Variants in CDH13 observed in about 807,000 individuals in gnomAD.
The protein encoded by CDH13 is cadherin-13.
CDH13 carries 24 observed loss-of-function variants against 63.8 expected under a neutral mutation model. That is an observed-to-expected ratio of 0.38 (90% CI 0.27 to 0.53). CDH13 has a LOEUF of 0.53. Among genes scored for constraint, CDH13 ranks in the 20% least tolerant of loss-of-function variants. The pLI, the probability that CDH13 is intolerant of heterozygous loss-of-function variation, is 0.85. For synonymous variants in CDH13, 503 were observed against 355.3 expected, an observed-to-expected ratio of 1.42 and a Z score of -4.67; for missense variants, 1,049 against 903.1, an observed-to-expected ratio of 1.16 and a Z score of -2.07.
chr16:82,783,464 T>C (rs765947133), intron 1 of CDH13, among the ~76,000 whole-genome samples: 14 of 152,164 alleles, frequency 9.2e-5, no homozygotes, highest in Non-Finnish European at 2.1e-4. Context: ...ATTAAAGAGA[T>C]TGGGCTGCAA....
chr16:83,359,367 G>C (rs2091118194), intron 6 of CDH13, among the ~76,000 whole-genome samples: 2 of 152,270 alleles, frequency 1.3e-5, no homozygotes, highest in Admixed American at 6.5e-5. Context: ...ATCAGGCTTT[G>C]AGCACCATGA....
At chr16:82,628,916 G>A (rs1276469852) in intron 1 of CDH13, among the ~76,000 whole-genome samples, 1 of 152,200 alleles carries the variant, frequency 6.6e-6, no homozygotes, top group African/African-American at 2.4e-5. Context: ...ATAATCTGCT[G>A]CCTTCCTAGG....
At chr16:83,067,015 A>G (rs2032068367) in intron 3 of CDH13, among the ~76,000 whole-genome samples, 1 of 152,194 alleles carries the variant, frequency 6.6e-6, no homozygotes, top group Non-Finnish European at 1.5e-5. Flanking sequence ...AGTTGCCTCC[A>G]GGAGGCATCT....
At chr16:83,480,722 A>C (rs1286952754) in intron 6 of CDH13, among the ~76,000 whole-genome samples, 3 of 152,274 alleles carry the variant, frequency 2.0e-5, no homozygotes, top group Non-Finnish European at 2.9e-5. Context: ...GAATCCCCTC[A>C]GTCCTGGGAG....
rs773984631 is a variant in CDH13, at chr16:83,670,773, ATCTGC to A, written c.1102-15_1102-11del. 6.2e-7 allele frequency: 1 copy of A among 1,613,382 alleles called. No individual in the cohort carries two copies. The highest frequency in any genetic ancestry group is 8.5e-7 in the Non-Finnish European group (1 of 1,179,368). On this transcript the variant is annotated splice_polypyrimidine_tract_variant and intron_variant, in intron 8 of 13. Coordinates refer to ENST00000567109, the MANE Select transcript of CDH13 (RefSeq NM_001257.5). ...TGTTTTCAAAATAGTGACCATTACC[ATCTGC>A]TTTGTTTGCAGTTTCAAGCCACAGT...
intron 6 of CDH13, among the ~76,000 whole-genome samples, chr16:83,468,597 C>T (rs2073376770): frequency 6.6e-6 from 1 of 151,542 alleles, no homozygotes; most frequent in Admixed American, 6.6e-5. Context: ...AACCCAGCCA[C>T]ACTTGTGTGA....
intron 6 of CDH13, among the ~76,000 whole-genome samples, chr16:83,415,263 C>G (rs560446957): frequency 6.6e-6 from 1 of 152,068 alleles, no homozygotes; most frequent in Non-Finnish European, 1.5e-5. Flanking sequence ...ACCCATAACT[C>G]ATAGGGAGAT....
intron 6 of CDH13, among the ~76,000 whole-genome samples, chr16:83,363,493 G>C (rs531513009): frequency 2.6e-5 from 4 of 152,170 alleles, no homozygotes; most frequent in Non-Finnish European, 5.9e-5. Flanking sequence ...ACTAAATGAA[G>C]AAGAAACCAG....
chr16:83,015,161 G>C (rs1262290523), intron 2 of CDH13, among the ~76,000 whole-genome samples: 1 of 151,726 alleles, frequency 6.6e-6, no homozygotes, highest in Non-Finnish European at 1.5e-5. Flanking sequence ...GGCTAATCGG[G>C]GAAGTCAGGG....
Position 83,512,496 on chromosome 16 carries a change from G to T in CDH13, c.960+25841G>T, listed in dbSNP as rs573743071. 3.3e-5 allele frequency among the ~76,000 whole-genome samples: 5 copies of T among 150,354 alleles called. No individual in the cohort carries two copies. The East Asian group carries it at 7.8e-4, about 24-fold the overall frequency. ...CCAGCCTGGCCAATATGATGAAACC[G>T]ATCTCTACTAAAAATACAAAAATTA... On this transcript the variant is annotated intron_variant, in intron 7 of 13. Transcript: ENST00000567109.
At chr16:83,729,124 A>T (rs1042718074) in intron 10 of CDH13, 8 of 152,190 alleles carry the variant, frequency 5.3e-5, no homozygotes, top group African/African-American at 1.7e-4. Flanking sequence ...CCCACCTCCA[A>T]GTACTGCCAC....
intron 2 of CDH13, among the ~76,000 whole-genome samples, chr16:82,941,836 G>C (rs1257243375): frequency 6.6e-6 from 1 of 152,120 alleles, no homozygotes; most frequent in Non-Finnish European, 1.5e-5. Context: ...CCAGTCTCAA[G>C]CACTTATATT....
chr16:83,429,914 T>C (rs1235067385), intron 6 of CDH13, among the ~76,000 whole-genome samples: 1 of 152,236 alleles, frequency 6.6e-6, no homozygotes, highest in Non-Finnish European at 1.5e-5. Context: ...CTTGCCTGGC[T>C]GAAAACTGAT....
intron 10 of CDH13, among the ~76,000 whole-genome samples, chr16:83,724,254 G>A (rs980690454): frequency 5.0e-5 from 6 of 119,284 alleles, no homozygotes; most frequent in Non-Finnish European, 1.0e-4. Context: ...ATGGGTGGAT[G>A]ATGAATGCAT....
intron 7 of CDH13, among the ~76,000 whole-genome samples, chr16:83,534,175 G>T (rs2075139330): frequency 6.6e-6 from 1 of 152,022 alleles, no homozygotes; most frequent in African/African-American, 2.4e-5. Context: ...TGTCTTTAAG[G>T]ATTTACCTAT....
At chr16:82,980,159 G>C (rs1288993711) in intron 2 of CDH13, among the ~76,000 whole-genome samples, 1 of 152,178 alleles carries the variant, frequency 6.6e-6, no homozygotes, top group Non-Finnish European at 1.5e-5. Flanking sequence ...GAGACAGTGA[G>C]GTGTGTGTGC....
At chr16:83,380,800 T>C (rs1463015021) in intron 6 of CDH13, among the ~76,000 whole-genome samples, 1 of 151,618 alleles carries the variant, frequency 6.6e-6, no homozygotes, top group African/African-American at 2.4e-5. Flanking sequence ...GGATAGAGAA[T>C]ATCATGTTTC....
intron 2 of CDH13, among the ~76,000 whole-genome samples, chr16:82,902,314 G>A (rs912528009): frequency 1.3e-5 from 2 of 151,672 alleles, no homozygotes. Flanking sequence ...CTTCTCTGGA[G>A]ATTTGCCTTA....
At position 83,117,417 on chromosome 16, in the gene CDH13, G is replaced by C. The variant is rs553625568; in HGVS notation, c.367-7968G>C. On this transcript the variant is annotated intron_variant, in intron 3 of 13. Coordinates refer to ENST00000567109, the MANE Select transcript of CDH13 (RefSeq NM_001257.5). ...ATCTTCCACTGCCATCTCCTCGGTG[G>C]ACCGCTTCTTGCCTCCCTGTCTAAA... Among the ~76,000 whole-genome samples, 15 of 152,124 alleles carry C rather than the reference G, an allele frequency of 9.9e-5. No homozygotes were observed. The East Asian group carries it at 2.9e-3, about 30-fold the overall frequency.
Sources: allele counts gnomAD v4.1 joint callset (sites outside exome capture counted in the v4.1 genomes callset), GRCh38; gene constraint gnomAD v4.1.1; transcripts MANE v1.5; gene names NCBI Gene and HGNC (gene_info 2026-07-23, HGNC 2026-07-21).